Variants in GON4L observed in about 807,000 individuals in gnomAD.
GON4L encodes the protein GON-4-like protein.
Under a neutral mutation model 211.8 loss-of-function variants are expected in GON4L, and 87 were observed. That is an observed-to-expected ratio of 0.41 (90% CI 0.35 to 0.49). The LOEUF (loss-of-function observed/expected upper bound fraction) is 0.49. GON4L is among the 20% of genes least tolerant of loss of function. GON4L has a pLI of 0.15. For missense variants in GON4L, 2,155 were observed against 2,659.5 expected, an observed-to-expected ratio of 0.81 and a Z score of 4.17; for synonymous variants, 875 against 962.6, an observed-to-expected ratio of 0.91 and a Z score of 1.68.
rs1411896375 is a variant in GON4L, at chr1:155,828,134, G to T, written c.506-1106C>A. ...GATCATGCCATTGCACTCCAGCCTG[G>T]GTGTCAGAGCAAGACACTGTCACAC... On this transcript the variant is annotated intron_variant, in intron 2 of 31. Transcript: ENST00000368331. 4.9e-5 allele frequency among the ~76,000 whole-genome samples: 7 copies of T among 142,040 alleles called. No individual in the cohort carries two copies. The East Asian group carries it at 1.3e-3, about 26-fold the overall frequency. 93.2% of individuals were successfully genotyped at this position (142,040 alleles called of 152,430 possible). A position where few individuals can be genotyped will look rare whatever the true frequency, so the allele number is the denominator to read the frequency against.
Position 155,803,298 on chromosome 1 carries a change from G to A in GON4L, c.1645+1651C>T, listed in dbSNP as rs183388741. Among the ~76,000 whole-genome samples the A allele has an allele frequency of 4.0e-3, 593 of 149,758 alleles. 6 individuals carry two copies. Among genetic ancestry groups the A allele is most frequent in the African/African-American group, 0.014 (564 of 40,714 alleles). ...TCTCGCTCTGTTGCCAGGCTGGAGC[G>A]CAGTGGCGCAATCTCGGCTCGCTAC... On this transcript the variant is annotated intron_variant, in intron 11 of 31. Coordinates refer to ENST00000368331, the MANE Select transcript of GON4L (RefSeq NM_001282860.2).
At chr1:155,833,768 A>C in intron 2 of GON4L, among the ~76,000 whole-genome samples, 1 of 26,140 alleles carries the variant, frequency 3.8e-5, no homozygotes, top group Admixed American at 5.5e-4. Flanking sequence ...GGAAGGGAGG[A>C]GGGGAGGAGG....
chr1:155,776,168 G>C (rs1471291671), intron 16 of GON4L, among the ~76,000 whole-genome samples: 3 of 152,142 alleles, frequency 2.0e-5, no homozygotes, highest in Non-Finnish European at 1.5e-5. Flanking sequence ...AAAAATATCA[G>C]AAAGACAGTA....
At chr1:155,835,500 T>C (rs1465968419) in intron 2 of GON4L, among the ~76,000 whole-genome samples, 1 of 151,744 alleles carries the variant, frequency 6.6e-6, no homozygotes, top group Non-Finnish European at 1.5e-5. Flanking sequence ...TTTTAGCATA[T>C]AATCAAAGTA....
chr1:155,761,912 G>T (rs1276850435), intron 23 of GON4L, among the ~76,000 whole-genome samples: 1 of 152,148 alleles, frequency 6.6e-6, no homozygotes, highest in Non-Finnish European at 1.5e-5. Flanking sequence ...ACCCAGTAAA[G>T]TCACAACCTC....
intron 2 of GON4L, among the ~76,000 whole-genome samples, chr1:155,850,314 G>A (rs965989600): frequency 5.9e-5 from 9 of 152,074 alleles, no homozygotes; most frequent in Non-Finnish European, 1.2e-4. Context: ...GATTAGCAGT[G>A]AAACAATATA....
downstream of GON4L, chr1:155,748,576 C>T (rs143935199): frequency 1.2e-6 from 2 of 1,613,196 alleles, no homozygotes; most frequent in African/African-American, 1.3e-5. Flanking sequence ...AGAAAATGTC[C>T]TATAACGTGT....
chr1:155,784,139 G>C (rs748530208), intron 13 of GON4L, 50 bp from the exon 14 acceptor site: 2 of 1,604,210 alleles, frequency 1.2e-6, no homozygotes, highest in African/African-American at 1.3e-5. Flanking sequence ...GCCTCTGAAT[G>C]TTGCTCCAGT....
Position 155,750,875 on chromosome 1 carries a change from T to C in GON4L, c.6577-142A>G, listed in dbSNP as rs185988966. The C allele has an allele frequency of 5.5e-3, 4,045 of 738,366 alleles. 31 individuals carry two copies. The highest frequency in any genetic ancestry group is 0.015 in the South Asian group (864 of 59,474). The allele number at this position is 738,366 out of a possible 1,614,324, so 45.7% of individuals were successfully genotyped here. On this transcript the variant is annotated intron_variant, in intron 31 of 31. Coordinates refer to ENST00000368331, the MANE Select transcript of GON4L (RefSeq NM_001282860.2). ...GTCTCCTGGGTTCAAGCAATTCTCC[T>C]GCCTCAGCCTTCAGAGTAGCTGGGA...
chr1:155,748,546 G>T, downstream of GON4L: 1 of 1,613,908 alleles, frequency 6.2e-7, no homozygotes, highest in Non-Finnish European at 8.5e-7. Context: ...GAAGCTTTGT[G>T]AGGGGTTGGG....
intron 2 of GON4L, among the ~76,000 whole-genome samples, chr1:155,845,083 T>A (rs923704530): frequency 6.6e-6 from 1 of 152,096 alleles, no homozygotes; most frequent in South Asian, 2.1e-4. Flanking sequence ...TAAAACCCTG[T>A]AAGATTGAAG....
rs1557886067 is a variant in GON4L at position 155,809,974 on chromosome 1, AATTATATATATATATAATTATATAT to A, written c.1452+3635_1452+3659del. Among the ~76,000 whole-genome samples the A allele has an allele frequency of 9.3e-5, 8 of 86,354 alleles. No homozygotes were observed. The East Asian group carries it at 1.4e-3, about 15-fold the overall frequency. 56.7% of individuals were successfully genotyped at this position (86,354 alleles called of 152,430 possible). A position where few individuals can be genotyped will look rare whatever the true frequency, so the allele number is the denominator to read the frequency against. Reference sequence around the variant, plus strand: ...TAAATTATATACATATATAATTATAAATTATATATATATATAATTATATATATATATATATTTTTGAAATGTAGTC... The same window carrying A: ...TAAATTATATACATATATAATTATAAATATATATATTTTTGAAATGTAGTC... On this transcript the variant is annotated intron_variant, in intron 10 of 31. Coordinates refer to ENST00000368331, the MANE Select transcript of GON4L (RefSeq NM_001282860.2).
chr1:155,812,705 G>A (rs1224238417), intron 10 of GON4L, among the ~76,000 whole-genome samples: 1 of 151,878 alleles, frequency 6.6e-6, no homozygotes, highest in African/African-American at 2.4e-5. Context: ...ACAGGCATGC[G>A]CCACGACACC....
intron 12 of GON4L, among the ~76,000 whole-genome samples, chr1:155,785,746 G>A (rs1170632878): frequency 6.6e-6 from 1 of 152,118 alleles, no homozygotes; most frequent in East Asian, 1.9e-4. Flanking sequence ...CTCCCAAAAT[G>A]GTGGGATTAC....
chr1:155,790,331 C>T (rs1275686931), intron 12 of GON4L, among the ~76,000 whole-genome samples: 1 of 151,966 alleles, frequency 6.6e-6, no homozygotes, highest in East Asian at 1.9e-4. Context: ...AACTCCTGAC[C>T]TCGTGATCTG....
chr1:155,818,765 G>A (rs1668482507), intron 6 of GON4L, among the ~76,000 whole-genome samples: 1 of 152,114 alleles, frequency 6.6e-6, no homozygotes, highest in Non-Finnish European at 1.5e-5. Flanking sequence ...CACATTGGGA[G>A]GACAAGGCGG....
upstream of GON4L, among the ~76,000 whole-genome samples, chr1:155,857,579 A>AT (rs1216701126): frequency 6.6e-6 from 1 of 152,108 alleles, no homozygotes; most frequent in African/African-American, 2.4e-5. Flanking sequence ...AATATACAAA[A>AT]TTAGCTGGGC....
At chr1:155,792,809 TAC>T (rs1490774001) in intron 12 of GON4L, among the ~76,000 whole-genome samples, 1 of 152,136 alleles carries the variant, frequency 6.6e-6, no homozygotes, top group Non-Finnish European at 1.5e-5. Context: ...CAGGCTGGAG[TAC>T]AGTGTTGGGA....
At chr1:155,747,741 T>G (rs1222789506), downstream of GON4L, 6 of 1,613,850 alleles carry the variant, frequency 3.7e-6, no homozygotes, top group South Asian at 2.2e-5. Flanking sequence ...TAACTATCTT[T>G]CGTCACTCAC....
Sources: gnomAD v4.1 joint callset for allele counts (sites outside exome capture counted in the v4.1 genomes callset) on GRCh38, gnomAD v4.1.1 for gene constraint, MANE v1.5 for transcripts, NCBI Gene and HGNC (gene_info 2026-07-23, HGNC 2026-07-21) for gene names.